Variants in BNC2 observed in about 807,000 individuals in gnomAD.
The protein encoded by BNC2 is zinc finger protein basonuclin-2.
Under a neutral mutation model 76.3 loss-of-function variants are expected in BNC2, and 20 were observed. The observed-to-expected ratio is 0.26, with a 90% CI of 0.18 to 0.38. BNC2 has a LOEUF of 0.38. Ranked by LOEUF, BNC2 falls within the 10% of genes least tolerant of loss-of-function variation. BNC2 has a pLI of 1.00. For synonymous variants in BNC2, 582 were observed against 514.8 expected, an observed-to-expected ratio of 1.13 and a Z score of -1.77; for missense variants, 1,382 against 1,399.8, an observed-to-expected ratio of 0.99 and a Z score of 0.20.
chr9:16,554,967 GA>G (rs761200216), intron 4 of BNC2, among the ~76,000 whole-genome samples: 4 of 152,092 alleles, frequency 2.6e-5, no homozygotes, highest in South Asian at 2.1e-4. Flanking sequence ...AATTGTAGGT[GA>G]AAAAAACCAC....
intron 1 of BNC2, among the ~76,000 whole-genome samples, chr9:16,855,842 C>T (rs1819241761): frequency 6.6e-6 from 1 of 152,154 alleles, no homozygotes; most frequent in Admixed American, 6.5e-5. Context: ...GCCACCACAC[C>T]CGGCCACATC....
chr9:16,419,588 G>A lies in BNC2; in HGVS notation c.2701C>T (p.Leu901=). Residue 901 remains leucine (L), a synonymous_variant, in exon 7 of 7, where the codon CTG becomes TTG. Coordinates refer to ENST00000380672, the MANE Select transcript of BNC2 (RefSeq NM_017637.6). ...CTAAGGGAGGGCTGCGACGAGTCCA[G>A]GCCCATGTCATCGAGTTCTTTGGTC... ...LLTKELDDMG[L]DSSQPSLSKD... 1 of 1,606,486 alleles carries A rather than the reference G, an allele frequency of 6.2e-7. No individual in the cohort carries two copies. The highest frequency in any genetic ancestry group is 8.5e-7 in the Non-Finnish European group (1 of 1,176,066).
At chr9:16,524,655 T>G (rs1464738361) in intron 5 of BNC2, among the ~76,000 whole-genome samples, 1 of 152,152 alleles carries the variant, frequency 6.6e-6, no homozygotes, top group African/African-American at 2.4e-5. Flanking sequence ...TAAATGTCAT[T>G]AAAATAACAA....
At chr9:16,768,721 C>T (rs1825758500) in intron 1 of BNC2, among the ~76,000 whole-genome samples, 1 of 152,054 alleles carries the variant, frequency 6.6e-6, no homozygotes, top group Non-Finnish European at 1.5e-5. Context: ...AACTTTTAGT[C>T]TAATTGGAGA....
At chr9:16,772,800 G>A (rs1374717850) in intron 1 of BNC2, among the ~76,000 whole-genome samples, 1 of 152,190 alleles carries the variant, frequency 6.6e-6, no homozygotes, top group Non-Finnish European at 1.5e-5. Context: ...TGGATCTTAG[G>A]TAGGAGTTAT....
intron 3 of BNC2, among the ~76,000 whole-genome samples, chr9:16,632,703 C>T (rs1341247764): frequency 1.3e-5 from 2 of 152,182 alleles, no homozygotes; most frequent in Non-Finnish European, 2.9e-5. Context: ...GTACAGACTG[C>T]CATGTCTCTG....
At chr9:16,548,987 T>A (rs1041388638) in intron 5 of BNC2, among the ~76,000 whole-genome samples, 1 of 152,240 alleles carries the variant, frequency 6.6e-6, no homozygotes, top group Non-Finnish European at 1.5e-5. Context: ...AAATTAACTT[T>A]ATAAAAAAAG....
chr9:16,779,185 T>C (rs2135530607), intron 1 of BNC2, among the ~76,000 whole-genome samples: 2 of 146,832 alleles, frequency 1.4e-5, no homozygotes, highest in Non-Finnish European at 3.0e-5. Flanking sequence ...GCACCTGTAA[T>C]TCCAGCTACT....
chr9:16,845,451 G>C (rs746943944), intron 1 of BNC2, among the ~76,000 whole-genome samples: 1 of 152,214 alleles, frequency 6.6e-6, no homozygotes, highest in African/African-American at 2.4e-5. Flanking sequence ...GCCGGGCGCG[G>C]TGGCTCACAC....
At chr9:16,762,116 C>T (rs980787542) in intron 1 of BNC2, among the ~76,000 whole-genome samples, 1 of 152,118 alleles carries the variant, frequency 6.6e-6, no homozygotes, top group Non-Finnish European at 1.5e-5. Context: ...AGAACCCATG[C>T]TCCAGGAAGC....
chr9:16,822,042 G>A lies in BNC2; in HGVS notation c.3+48604C>T, dbSNP rs538296817. Reference sequence around the variant, plus strand: ...CGGAAAGCGGAGCCTGCAGTGAGCCGAGATCGCGCCACTGCACTCCACCCT... The same window carrying A: ...CGGAAAGCGGAGCCTGCAGTGAGCCAAGATCGCGCCACTGCACTCCACCCT... On this transcript the variant is annotated intron_variant, in intron 1 of 6. Transcript: ENST00000380672. 3.5e-3 allele frequency among the ~76,000 whole-genome samples: 498 copies of A among 142,944 alleles called. 2 individuals carry two copies. Among genetic ancestry groups the A allele is most frequent in the African/African-American group, 0.012 (449 of 37,694 alleles). 93.8% of individuals were successfully genotyped at this position (142,944 alleles called of 152,430 possible).
At chr9:16,751,661 T>TATATATGTGTGTATATATAC in intron 1 of BNC2, among the ~76,000 whole-genome samples, 1 of 75,482 alleles carries the variant, frequency 1.3e-5, no homozygotes, top group Non-Finnish European at 3.1e-5. Context: ...TATATATATA[T>TATATATGTGTGTATATATAC]GTATGTATGT....
chr9:16,423,164 G>A (rs564676214), intron 6 of BNC2, among the ~76,000 whole-genome samples: 2 of 152,204 alleles, frequency 1.3e-5, no homozygotes, highest in African/African-American at 2.4e-5. Flanking sequence ...GCTCTCCAGC[G>A]ACAGAGATGG....
At chr9:16,615,289 T>C (rs1820667678) in intron 3 of BNC2, among the ~76,000 whole-genome samples, 1 of 152,108 alleles carries the variant, frequency 6.6e-6, no homozygotes, top group African/African-American at 2.4e-5. Context: ...AGGCTAAATA[T>C]TTTTACATTA....
intron 5 of BNC2, among the ~76,000 whole-genome samples, chr9:16,458,465 T>C (rs1195458407): frequency 1.3e-5 from 2 of 152,214 alleles, no homozygotes; most frequent in East Asian, 3.9e-4. Context: ...GTAGAAAATC[T>C]TCATTGTTGT....
chr9:16,865,604 T>C (rs565185167), intron 1 of BNC2, among the ~76,000 whole-genome samples: 113 of 152,316 alleles, frequency 7.4e-4, no homozygotes, highest in African/African-American at 2.7e-3. Flanking sequence ...CCTTAGGAAG[T>C]TTATTTTAAA....
intron 3 of BNC2, among the ~76,000 whole-genome samples, chr9:16,657,851 G>A (rs1337261992): frequency 6.6e-6 from 1 of 152,082 alleles, no homozygotes; most frequent in Non-Finnish European, 1.5e-5. Flanking sequence ...TAATTTGTGG[G>A]GGCTACTTGG....
At chr9:16,785,745 A>T (rs1306632999) in intron 1 of BNC2, among the ~76,000 whole-genome samples, 1 of 151,240 alleles carries the variant, frequency 6.6e-6, no homozygotes, top group Admixed American at 6.6e-5. Flanking sequence ...TCTTGAGTAA[A>T]TCAGTGAACC....
chr9:16,647,262 G>C (rs1162108939), intron 3 of BNC2, among the ~76,000 whole-genome samples: 1 of 152,082 alleles, frequency 6.6e-6, no homozygotes, highest in Non-Finnish European at 1.5e-5. Flanking sequence ...TGCCAAAAAG[G>C]GGTAGGTGGT....
Sources: gnomAD v4.1 joint callset for allele counts (sites outside exome capture counted in the v4.1 genomes callset) on GRCh38, gnomAD v4.1.1 for gene constraint, MANE v1.5 for transcripts, NCBI Gene and HGNC (gene_info 2026-07-23, HGNC 2026-07-21) for gene names.